Variants in ATP8B4 observed in about 807,000 individuals in gnomAD.
ATP8B4 encodes the protein ATPase phospholipid transporting 8B4 (putative).
A neutral mutation model predicts 145.6 loss-of-function variants in ATP8B4; 133 were observed. The observed-to-expected ratio is 0.91, with a 90% CI of 0.79 to 1.05. The LOEUF (loss-of-function observed/expected upper bound fraction) is 1.05, where lower values mean the gene tolerates loss of function less well. Ranked by LOEUF, ATP8B4 falls within the 50% of genes least tolerant of loss-of-function variation. The pLI is 0.00. For synonymous variants in ATP8B4, 507 were observed against 492.9 expected (o/e 1.03, Z -0.38); for missense variants, 1,458 against 1,425.2 (o/e 1.02, Z -0.37).
At chr15:49,918,613 A>T (rs2039970626) in intron 19 of ATP8B4, among the ~76,000 whole-genome samples, 1 of 152,196 alleles carries the variant, frequency 6.6e-6, no homozygotes, top group Admixed American at 6.5e-5. Flanking sequence ...AATTGGACCG[A>T]AACTTAACTG....
chr15:50,101,680 T>C (rs1486512507), intron 2 of ATP8B4, among the ~76,000 whole-genome samples: 1 of 152,018 alleles, frequency 6.6e-6, no homozygotes, highest in Non-Finnish European at 1.5e-5. Context: ...ACTAGACGGG[T>C]CATCAAGACA....
intron 23 of ATP8B4, chr15:49,895,061 C>G (rs539411871): frequency 6.6e-6 from 1 of 152,160 alleles, no homozygotes; most frequent in Admixed American, 6.5e-5. Context: ...CCTGTCTTAG[C>G]GCAGGTAAAA....
At chr15:49,942,526 G>A (rs931802567) in intron 14 of ATP8B4, among the ~76,000 whole-genome samples, 8 of 151,864 alleles carry the variant, frequency 5.3e-5, no homozygotes, top group African/African-American at 1.9e-4. Flanking sequence ...AGAGCACTGG[G>A]GTAAAAAAGA....
At chr15:49,867,997 C>G (rs2033086729) in intron 25 of ATP8B4, among the ~76,000 whole-genome samples, 1 of 152,100 alleles carries the variant, frequency 6.6e-6, no homozygotes, top group African/African-American at 2.4e-5. Flanking sequence ...ATTCACAGAT[C>G]TCAGATCTAT....
intron 8 of ATP8B4, among the ~76,000 whole-genome samples, chr15:50,001,448 G>A (rs1205595937): frequency 6.6e-6 from 1 of 152,148 alleles, no homozygotes; most frequent in African/African-American, 2.4e-5. Context: ...CAGACTGCCA[G>A]GTTCGAGTCC....
chr15:50,172,951 C>T (rs1345037047), intron 1 of ATP8B4, among the ~76,000 whole-genome samples: 29 of 149,516 alleles, frequency 1.9e-4, no homozygotes, highest in Admixed American at 1.7e-3. Context: ...GCCCGGCAGC[C>T]GCCCCATCCG....
chr15:49,951,489 G>C (rs1449294841), intron 14 of ATP8B4, among the ~76,000 whole-genome samples: 1 of 151,958 alleles, frequency 6.6e-6, no homozygotes, highest in African/African-American at 2.4e-5. Context: ...TTGGTTTAAA[G>C]TCCGATTTGT....
intron 1 of ATP8B4, among the ~76,000 whole-genome samples, chr15:50,108,268 T>C (rs2056779941): frequency 6.6e-6 from 1 of 152,094 alleles, no homozygotes; most frequent in Non-Finnish European, 1.5e-5. Context: ...TGACCAGTGC[T>C]TGCTCTCCCT....
intron 5 of ATP8B4, 107 bp from the exon 6 acceptor site, chr15:50,038,936 C>T: frequency 1.0e-6 from 1 of 960,642 alleles, no homozygotes; most frequent in Non-Finnish European, 1.6e-6. Flanking sequence ...TGTGTTGTCA[C>T]TGGTCTAAGA....
intron 1 of ATP8B4, among the ~76,000 whole-genome samples, chr15:50,180,166 C>T (rs970043424): frequency 2.0e-5 from 3 of 151,972 alleles, no homozygotes; most frequent in African/African-American, 4.8e-5. Flanking sequence ...CAGAAATGGG[C>T]GCATAATCCA....
Position 49,860,366 on chromosome 15 carries a change from T to A in ATP8B4, c.3407A>T (p.Glu1136Val). 1 of 1,614,140 alleles carries A rather than the reference T, an allele frequency of 6.2e-7. No individual in the cohort carries two copies. The highest frequency in any genetic ancestry group is 8.5e-7 in the Non-Finnish European group (1 of 1,179,992). Residue 1136 changes from glutamate to valine, a missense_variant, in exon 28 of 28, where the codon GAA becomes GTA. By Grantham distance (121) the Glu-to-Val change is moderately radical. Coordinates refer to ENST00000284509, the MANE Select transcript of ATP8B4 (RefSeq NM_024837.4). ...AGATGTGATAAGCTCTCCATAGCCT[T>A]CTTGGTGAGCAAAAGCATATCCAGA... ...RRSGYAFAHQ[E>V]GYGELITSGK...
intron 3 of ATP8B4, among the ~76,000 whole-genome samples, chr15:50,058,937 TG>T (rs1327021741): frequency 5.4e-5 from 8 of 149,220 alleles, no homozygotes; most frequent in Admixed American, 4.0e-4. Flanking sequence ...ATTCTCCACA[TG>T]GGGCAGGTAG....
intron 3 of ATP8B4, among the ~76,000 whole-genome samples, chr15:50,056,359 G>A (rs1296977644): frequency 6.6e-6 from 1 of 152,120 alleles, no homozygotes; most frequent in Non-Finnish European, 1.5e-5. Flanking sequence ...AGAGAGGCAG[G>A]AACAAGCAGA....
At chr15:49,983,914 A>G (rs2046374566) in intron 10 of ATP8B4, among the ~76,000 whole-genome samples, 1 of 152,208 alleles carries the variant, frequency 6.6e-6, no homozygotes, top group African/African-American at 2.4e-5. Flanking sequence ...GCTTGAGATT[A>G]ATGCCTCTTT....
At chr15:49,974,056 A>C (rs1364481108) in intron 12 of ATP8B4, among the ~76,000 whole-genome samples, 4 of 149,950 alleles carry the variant, frequency 2.7e-5, no homozygotes, top group African/African-American at 9.8e-5. Context: ...AACAATGCAA[A>C]TATTTTATCC....
Position 49,934,037 on chromosome 15 carries a change from A to G in ATP8B4, c.1433T>C (p.Met478Thr). Reference protein sequence around the residue: ...LRLLALCHTVMSEENSAGELI... With the variant: ...LRLLALCHTVTSEENSAGELI... ...CTTACCTGCGCTATTCTCTTCTGAC[A>G]TTACAGTGTGGCAGAGAGCAAGTAA... Residue 478 changes from methionine to threonine, a missense_variant, in exon 15 of 28, where the codon ATG becomes ACG. Transcript: ENST00000284509. 6.2e-7 allele frequency: 1 copy of G among 1,610,752 alleles called. No individual in the cohort carries two copies. The highest frequency in any genetic ancestry group is 8.5e-7 in the Non-Finnish European group (1 of 1,178,506).
At chr15:50,176,994 G>A (rs977518604) in intron 1 of ATP8B4, among the ~76,000 whole-genome samples, 1 of 151,994 alleles carries the variant, frequency 6.6e-6, no homozygotes, top group Non-Finnish European at 1.5e-5. Context: ...CTGAATACCT[G>A]CACATCCTGT....
intron 14 of ATP8B4, among the ~76,000 whole-genome samples, chr15:49,935,926 C>T (rs1442322971): frequency 1.3e-5 from 2 of 152,068 alleles, no homozygotes; most frequent in Admixed American, 1.3e-4. Flanking sequence ...ATAAACACTC[C>T]CTAACTGGTA....
intron 2 of ATP8B4, among the ~76,000 whole-genome samples, chr15:50,087,980 G>A (rs2055330873): frequency 6.6e-6 from 1 of 151,768 alleles, no homozygotes; most frequent in African/African-American, 2.4e-5. Flanking sequence ...GGATGCTTGG[G>A]GTATTTTTCA....
Sources: gnomAD v4.1 joint callset for allele counts (sites outside exome capture counted in the v4.1 genomes callset) on GRCh38, gnomAD v4.1.1 for gene constraint, MANE v1.5 for transcripts, NCBI Gene and HGNC (gene_info 2026-07-23, HGNC 2026-07-21) for gene names.